DLGAP1: variants seen among roughly 807,000 people sequenced by gnomAD.
DLGAP1 encodes the protein disks large-associated protein 1.
DLGAP1 carries 11 observed loss-of-function variants against 90.8 expected under a neutral mutation model. The observed-to-expected ratio is 0.12, with a 90% CI of 0.08 to 0.20. DLGAP1 has a LOEUF of 0.20. DLGAP1 is among the 10% of genes least tolerant of loss of function. The pLI is 1.00. For synonymous variants in DLGAP1, 558 were observed against 540.7 expected (o/e 1.03, Z -0.44); for missense variants, 1,050 against 1,333.8 (o/e 0.79, Z 3.31).
At chr18:4,419,394 C>T (rs548358720) in intron 1 of DLGAP1, among the ~76,000 whole-genome samples, 3 of 152,128 alleles carry the variant, frequency 2.0e-5, no homozygotes, top group South Asian at 2.1e-4. Flanking sequence ...TAATTAATTG[C>T]CAGCAGACCT....
chr18:3,896,243 C>G (rs1240743223), intron 3 of DLGAP1: 1 of 152,202 alleles, frequency 6.6e-6, no homozygotes, highest in Non-Finnish European at 1.5e-5. Context: ...CAACTGAGGT[C>G]TGTAAGACTT....
At chr18:4,249,791 G>A (rs569259414) in intron 1 of DLGAP1, among the ~76,000 whole-genome samples, 1 of 152,240 alleles carries the variant, frequency 6.6e-6, no homozygotes, top group Non-Finnish European at 1.5e-5. Context: ...GTCTCACTAT[G>A]CTCCCCAGGC....
At chr18:3,946,963 G>T (rs971416790) in intron 3 of DLGAP1, among the ~76,000 whole-genome samples, 13 of 152,130 alleles carry the variant, frequency 8.5e-5, no homozygotes, top group Admixed American at 8.5e-4. Flanking sequence ...GATATTTTAG[G>T]GGGGAGACTT....
chr18:4,340,536 C>T (rs2081167249), intron 1 of DLGAP1, among the ~76,000 whole-genome samples: 1 of 152,036 alleles, frequency 6.6e-6, no homozygotes. Flanking sequence ...TATTTTTATA[C>T]AGACTTAAAA....
rs181549016 is a variant in DLGAP1 at position 4,097,562 on chromosome 18, C to T, written c.-159+53618G>A. 3.3e-5 allele frequency among the ~76,000 whole-genome samples: 5 copies of T among 152,280 alleles called. No homozygotes were observed. In the East Asian group the frequency reaches 7.7e-4, roughly 24 times the overall value. ...AGGTAGGAGTTTAGGCTGATTTATCCGTGTATTCCCTAAAATTCCAGCCAC... is the reference window on the plus strand; with the variant it reads ...AGGTAGGAGTTTAGGCTGATTTATCTGTGTATTCCCTAAAATTCCAGCCAC... On this transcript the variant is annotated intron_variant, in intron 2 of 12. Coordinates refer to ENST00000315677, the MANE Select transcript of DLGAP1 (RefSeq NM_004746.4).
chr18:4,400,047 C>G (rs2082520375), intron 1 of DLGAP1, among the ~76,000 whole-genome samples: 1 of 152,102 alleles, frequency 6.6e-6, no homozygotes, highest in Admixed American at 6.5e-5. Context: ...CTGCACCACT[C>G]TTGAAGGCAG....
intron 4 of DLGAP1, among the ~76,000 whole-genome samples, chr18:3,849,775 T>A (rs2069229952): frequency 6.6e-6 from 1 of 152,202 alleles, no homozygotes; most frequent in Non-Finnish European, 1.5e-5. Flanking sequence ...CTGATCATCT[T>A]GTTATCCTTT....
rs1457181788 is a variant in DLGAP1 at position 4,243,811 on chromosome 18, C to A, written c.-266-92524G>T. Among the ~76,000 whole-genome samples, 4 of 152,084 alleles carry A rather than the reference C, an allele frequency of 2.6e-5. No homozygotes were observed. In the South Asian group the frequency reaches 6.2e-4, roughly 24 times the overall value. ...TCTGATTTTTGGAAAAAAATGAAAC[C>A]CGCTTATCTTTTTTTTACCCTACAC... On this transcript the variant is annotated intron_variant, in intron 1 of 12. Transcript: ENST00000315677.
intron 1 of DLGAP1, among the ~76,000 whole-genome samples, chr18:4,230,121 A>G (rs2078270071): frequency 6.6e-6 from 1 of 152,148 alleles, no homozygotes; most frequent in Admixed American, 6.6e-5. Context: ...TATCTAAAAG[A>G]CAGACAATAA....
Position 3,526,412 on chromosome 18 carries a change from C to G in DLGAP1, c.2479+7782G>C, listed in dbSNP as rs185992359. On this transcript the variant is annotated intron_variant, in intron 10 of 12. Coordinates refer to ENST00000315677, the MANE Select transcript of DLGAP1 (RefSeq NM_004746.4). The surrounding 1 kb of genome is among the most constrained non-coding windows in gnomAD (Gnocchi z 4.7). ...TTCCGTAACCAAACCTGAAACCAGG[C>G]AAACCCCATTTCAGGTGTCATTACC... is the stretch of plus-strand genomic sequence containing the variant. 8.3e-4 allele frequency among the ~76,000 whole-genome samples: 127 copies of G among 152,328 alleles called. No homozygotes were observed. The highest frequency in any genetic ancestry group is 1.5e-3 in the Non-Finnish European group (102 of 68,024).
intron 3 of DLGAP1, among the ~76,000 whole-genome samples, chr18:3,960,788 C>T (rs755513911): frequency 6.6e-6 from 1 of 152,218 alleles, no homozygotes; most frequent in Non-Finnish European, 1.5e-5. Flanking sequence ...TGCCTGCTCC[C>T]CAGCCAGGCC....
In DLGAP1 at chr18:4,342,818, A is replaced by T. The variant is rs2081221487; in HGVS notation, c.-267+112188T>A. On this transcript the variant is annotated intron_variant, in intron 1 of 12. Coordinates refer to ENST00000315677, the MANE Select transcript of DLGAP1 (RefSeq NM_004746.4). The surrounding 1 kb of genome is among the most constrained non-coding windows in gnomAD (Gnocchi z 5.8). ...TTTAATAGACAGAAAATCTTTACAA[A>T]TTTTTTGATTTAATTGTTTACAACA... 1.3e-5 allele frequency among the ~76,000 whole-genome samples: 2 copies of T among 152,166 alleles called. No homozygotes were observed. The highest frequency in any genetic ancestry group is 4.8e-5 in the African/African-American group (2 of 41,448).
At chr18:3,800,292 C>CT (rs1280897824) in intron 5 of DLGAP1, among the ~76,000 whole-genome samples, 1 of 152,166 alleles carries the variant, frequency 6.6e-6, no homozygotes, top group East Asian at 1.9e-4. Context: ...TGTCCAAGGC[C>CT]TGTACTCCCA....
intron 1 of DLGAP1, among the ~76,000 whole-genome samples, chr18:4,449,505 T>C (rs761411695): frequency 1.5e-4 from 23 of 152,124 alleles, no homozygotes; most frequent in Non-Finnish European, 3.2e-4. Flanking sequence ...ATCCTCAGAG[T>C]TATGGCCCTT....
At chr18:4,432,304 G>A (rs143846847) in intron 1 of DLGAP1, among the ~76,000 whole-genome samples, 1 of 152,060 alleles carries the variant, frequency 6.6e-6, no homozygotes, top group Admixed American at 6.6e-5. Context: ...CAGTTAAGTA[G>A]TGTAACTGAA....
chr18:3,845,450 A>G, intron 4 of DLGAP1: 1 of 1,346,592 alleles, frequency 7.4e-7, no homozygotes, highest in East Asian at 2.6e-5. Flanking sequence ...TTACATTTTC[A>G]TTCATATAAA....
chr18:3,793,609 C>T lies in DLGAP1; in HGVS notation c.1172+20450G>A, dbSNP rs528475383. Reference sequence around the variant, plus strand: ...CTTAGAGTACAACTCGAAGTGCTCCCCGTGGCCCATGCTGTCTGGCTCCCT... The same window carrying T: ...CTTAGAGTACAACTCGAAGTGCTCCTCGTGGCCCATGCTGTCTGGCTCCCT... On this transcript the variant is annotated intron_variant, in intron 5 of 12. Coordinates refer to ENST00000315677, the MANE Select transcript of DLGAP1 (RefSeq NM_004746.4). 2.6e-5 allele frequency among the ~76,000 whole-genome samples: 4 copies of T among 152,268 alleles called. No individual in the cohort carries two copies. The East Asian group carries it at 7.7e-4, about 29-fold the overall frequency.
chr18:4,085,696 G>A (rs1019265284), intron 2 of DLGAP1, among the ~76,000 whole-genome samples: 4 of 152,228 alleles, frequency 2.6e-5, no homozygotes, highest in East Asian at 1.9e-4. Flanking sequence ...CTTGAGTTCC[G>A]TCTTTGTCCC....
At chr18:3,705,918 CA>C (rs2061417413) in intron 7 of DLGAP1, among the ~76,000 whole-genome samples, 1 of 151,368 alleles carries the variant, frequency 6.6e-6, no homozygotes. Flanking sequence ...CTTGGCCTCC[CA>C]AAGTGCTGGG....
Sources: allele counts gnomAD v4.1 joint callset (sites outside exome capture counted in the v4.1 genomes callset), GRCh38; gene constraint gnomAD v4.1.1; non-coding constraint Gnocchi (gnomAD v3.1); transcripts MANE v1.5; gene names NCBI Gene and HGNC (gene_info 2026-07-23, HGNC 2026-07-21).